The following MMP26 variants were observed in gnomAD, a reference collection of about 807,000 sequenced individuals.
MMP26 encodes matrix metallopeptidase 26.
A neutral mutation model predicts 31.0 loss-of-function variants in MMP26; 33 were observed. The observed-to-expected ratio is 1.06, with a 90% CI of 0.81 to 1.42. The LOEUF is 1.42. MMP26 is among the 40% of genes most tolerant of loss of function. The pLI is 0.00. For synonymous variants in MMP26, 122 were observed against 114.9 expected, an observed-to-expected ratio of 1.06 and a Z score of -0.40; for missense variants, 347 against 316.1, an observed-to-expected ratio of 1.10 and a Z score of -0.74.
intron 2 of MMP26, chr11:4,890,199 C>T (rs1255642934): frequency 6.6e-6 from 1 of 152,662 alleles, no homozygotes; most frequent in Non-Finnish European, 1.5e-5. Context: ...CAGATATGTA[C>T]CTCAGAGGGT....
intron 6 of MMP26, among the ~76,000 whole-genome samples, chr11:4,991,731 A>G (rs532792453): frequency 6.6e-6 from 1 of 152,002 alleles, no homozygotes; most frequent in South Asian, 2.1e-4. Flanking sequence ...TCTATTTGCC[A>G]GTCCCTCTTT....
chr11:4,958,109 G>A (rs1198872758), intron 2 of MMP26, among the ~76,000 whole-genome samples: 4 of 152,190 alleles, frequency 2.6e-5, no homozygotes, highest in South Asian at 2.1e-4. Context: ...CCATGATGGC[G>A]CCAGCTCCTT....
chr11:4,723,409 G>A (rs748881004), intron 1 of MMP26: 131 of 974,432 alleles, frequency 1.3e-4, no homozygotes, highest in Non-Finnish European at 2.1e-4. Context: ...CTCAGCGATA[G>A]TGTTGTCCAT....
intron 2 of MMP26, among the ~76,000 whole-genome samples, chr11:4,775,561 C>T (rs920924465): frequency 1.3e-4 from 20 of 152,000 alleles, no homozygotes; most frequent in Non-Finnish European, 8.8e-5. Context: ...TAAAAGAATA[C>T]CTGAGGCTGG....
intron 1 of MMP26, among the ~76,000 whole-genome samples, chr11:4,705,579 C>T (rs1847764359): frequency 6.6e-6 from 1 of 152,154 alleles, no homozygotes; most frequent in African/African-American, 2.4e-5. Flanking sequence ...GAAGAATTCT[C>T]AGTGGGGGAG....
chr11:4,772,164 C>T (rs998402039), intron 2 of MMP26, among the ~76,000 whole-genome samples: 39 of 152,160 alleles, frequency 2.6e-4, no homozygotes, highest in African/African-American at 9.4e-4. Context: ...AATTAGAGGG[C>T]AGGAGTGTGT....
chr11:4,939,853 C>G (rs570815846), intron 2 of MMP26, among the ~76,000 whole-genome samples: 3 of 152,216 alleles, frequency 2.0e-5, no homozygotes, highest in East Asian at 3.9e-4. Context: ...AGATATATCA[C>G]TTATGAATTT....
At chr11:4,960,318 G>A (rs1367141003) in intron 2 of MMP26, among the ~76,000 whole-genome samples, 1 of 133,716 alleles carries the variant, frequency 7.5e-6, no homozygotes, top group South Asian at 3.0e-4. Flanking sequence ...TGTGTGCTAT[G>A]TGCCTGATTT....
intron 2 of MMP26, among the ~76,000 whole-genome samples, chr11:4,789,446 A>T (rs1051753400): frequency 6.7e-6 from 1 of 149,978 alleles, no homozygotes; most frequent in South Asian, 2.1e-4. Context: ...TTTTTTTTTG[A>T]CAGGAATAGA....
chr11:4,951,518 T>G (rs1846373289), intron 2 of MMP26, among the ~76,000 whole-genome samples: 1 of 124,888 alleles, frequency 8.0e-6, no homozygotes. Flanking sequence ...ACTGAAGTGA[T>G]TCTGCCATTA....
chr11:4,800,863 AAG>A (rs758284414), intron 2 of MMP26, among the ~76,000 whole-genome samples: 18,919 of 152,016 alleles, frequency 0.12, 2,314 homozygotes, highest in African/African-American at 0.31. Context: ...CATCCCTTTT[AAG>A]TTCAAACTTT....
At chr11:4,851,799 A>G (rs1385799783) in intron 2 of MMP26, among the ~76,000 whole-genome samples, 1 of 152,092 alleles carries the variant, frequency 6.6e-6, no homozygotes, top group East Asian at 1.9e-4. Flanking sequence ...AACAATCACT[A>G]ATAAAATGGT....
At chr11:4,836,858 G>A (rs936865172) in intron 2 of MMP26, among the ~76,000 whole-genome samples, 2 of 150,442 alleles carry the variant, frequency 1.3e-5, no homozygotes, top group African/African-American at 4.9e-5. Context: ...TGGTAGAGAC[G>A]TGGTTTCACC....
chr11:4,918,631 T>A (rs1304443693), intron 2 of MMP26, among the ~76,000 whole-genome samples: 1 of 152,190 alleles, frequency 6.6e-6, no homozygotes, highest in African/African-American at 2.4e-5. Flanking sequence ...GCAGTTTTGG[T>A]AAGGACTTCA....
intron 2 of MMP26, among the ~76,000 whole-genome samples, chr11:4,939,664 T>C (rs995044953): frequency 2.0e-4 from 30 of 152,160 alleles, no homozygotes; most frequent in African/African-American, 7.2e-4. Context: ...AAGGAAAGTA[T>C]AATTTCTTAG....
At chr11:4,759,916 C>T (rs938500542) in intron 1 of MMP26, among the ~76,000 whole-genome samples, 2 of 152,184 alleles carry the variant, frequency 1.3e-5, no homozygotes, top group African/African-American at 4.8e-5. Context: ...ACTACCCAGT[C>T]GGCCTCTCGC....
chr11:4,906,874 T>G (rs1850898337), intron 2 of MMP26, among the ~76,000 whole-genome samples: 1 of 151,996 alleles, frequency 6.6e-6, no homozygotes, highest in Non-Finnish European at 1.5e-5. Flanking sequence ...GTGGATCACC[T>G]GTGTCAGGAG....
At chr11:4,929,764 T>C (rs1357995216) in intron 2 of MMP26, among the ~76,000 whole-genome samples, 1 of 152,144 alleles carries the variant, frequency 6.6e-6, no homozygotes, top group Non-Finnish European at 1.5e-5. Flanking sequence ...TTTAATTATG[T>C]TATTCTAATT....
chr11:4,869,769 C>G (rs908255616), intron 2 of MMP26, among the ~76,000 whole-genome samples: 5 of 152,044 alleles, frequency 3.3e-5, no homozygotes, highest in South Asian at 4.1e-4. Flanking sequence ...ACATGCACAC[C>G]TATGTTTATT....
Sources: allele counts gnomAD v4.1 joint callset (sites outside exome capture counted in the v4.1 genomes callset), GRCh38; gene constraint gnomAD v4.1.1; transcripts MANE v1.5; gene names NCBI Gene and HGNC (gene_info 2026-07-23, HGNC 2026-07-21).